ASAP1: variants seen among roughly 807,000 people sequenced by gnomAD.
ASAP1 encodes the protein ArfGAP with SH3 domain, ankyrin repeat and PH domain 1, also known as arf-GAP with SH3 domain, ANK repeat and PH domain-containing protein 1.
In ASAP1, 43 loss-of-function variants were observed where a neutral mutation model predicts 145.2. The observed-to-expected ratio is 0.30, with a 90% CI of 0.23 to 0.38. ASAP1 has a LOEUF of 0.38. Among genes scored for constraint, ASAP1 ranks in the 10% least tolerant of loss-of-function variants. The probability of loss-of-function intolerance (pLI) is 1.00; values close to 1 mark genes in which losing one functional copy is unlikely to be tolerated. For synonymous variants in ASAP1, 546 were observed against 515.5 expected (o/e 1.06, Z -0.80); for missense variants, 1,018 against 1,355.3 (o/e 0.75, Z 3.91).
chr8:130,052,916 T>A lies in ASAP1; in HGVS notation c.*1815A>T, dbSNP rs1269191116. 6.6e-6 allele frequency: 1 copy of A among 152,172 alleles called. No homozygotes were observed. The highest frequency in any genetic ancestry group is 1.9e-4 in the East Asian group (1 of 5,200). The allele number at this position is 152,172 out of a possible 1,614,324, so 9.4% of individuals were successfully genotyped here. ...GGTGTGGCTTCAGTACCGAGGCTGCTAAAGCTGCCAGTCACAACCCAGCAT... is the reference window on the plus strand; with the variant it reads ...GGTGTGGCTTCAGTACCGAGGCTGCAAAAGCTGCCAGTCACAACCCAGCAT... On this transcript the variant is annotated 3_prime_UTR_variant, in exon 30 of 30. Coordinates refer to ENST00000518721, the MANE Select transcript of ASAP1 (RefSeq NM_018482.4).
intron 24 of ASAP1, among the ~76,000 whole-genome samples, chr8:130,098,342 A>G (rs2097522685): frequency 6.6e-6 from 1 of 151,942 alleles, no homozygotes; most frequent in South Asian, 2.1e-4. Context: ...CCACATTCTC[A>G]TCTTTAAACA....
chr8:130,430,665 T>C (rs1830105048), intron 1 of ASAP1, among the ~76,000 whole-genome samples: 1 of 152,156 alleles, frequency 6.6e-6, no homozygotes, highest in Non-Finnish European at 1.5e-5. Flanking sequence ...GTTGGATGAT[T>C]CCAGAGAAAC....
chr8:130,349,556 G>A (rs1402984485), intron 3 of ASAP1, among the ~76,000 whole-genome samples: 1 of 152,202 alleles, frequency 6.6e-6, no homozygotes, highest in Non-Finnish European at 1.5e-5. Context: ...TCAGTAACTT[G>A]CCCAACACAC....
At chr8:130,354,282 A>C (rs776971444) in intron 3 of ASAP1, among the ~76,000 whole-genome samples, 1 of 152,172 alleles carries the variant, frequency 6.6e-6, no homozygotes, top group Non-Finnish European at 1.5e-5. Flanking sequence ...TTCCTTCTCT[A>C]TAAAATGGAA....
rs151248392 is a variant in ASAP1 at position 130,159,692 on chromosome 8, G to C, written c.1010+172C>G. On this transcript the variant is annotated intron_variant, in intron 12 of 29. Transcript: ENST00000518721. The stretch of plus-strand genomic sequence containing the variant: ...ATTTAGGGACCACAGAGCAATTACT[G>C]TTTCTTCTAAAGAGAGCTGGTCAAA... Among the ~76,000 whole-genome samples the C allele has an allele frequency of 4.1e-4, 63 of 152,120 alleles. 2 individuals carry two copies. Among genetic ancestry groups the C allele is most frequent in the African/African-American group, 1.5e-3 (63 of 41,492 alleles).
chr8:130,153,064 T>TA (rs1314158450), intron 12 of ASAP1, among the ~76,000 whole-genome samples: 1 of 151,660 alleles, frequency 6.6e-6, no homozygotes, highest in Non-Finnish European at 1.5e-5. Flanking sequence ...TTGCCCAAGA[T>TA]AGAGTGGTGC....
Position 130,057,984 on chromosome 8 carries a change from G to A in ASAP1, c.3285C>T (p.Ile1095=). The A allele has an allele frequency of 1.2e-6, 2 of 1,614,208 alleles. No homozygotes were observed. Among genetic ancestry groups the A allele is most frequent in the Non-Finnish European group, 1.7e-6 (2 of 1,180,038 alleles). ...ELTFIEGEVI[I]VTGEEDQEWW... Reference sequence around the variant, plus strand: ...ACTCCTGGTCCTCTTCCCCTGTGACGATAATCACTTCTCCCTCGATGAATG... The same window carrying A: ...ACTCCTGGTCCTCTTCCCCTGTGACAATAATCACTTCTCCCTCGATGAATG... Residue 1095 remains isoleucine (I), a synonymous_variant, in exon 29 of 30, where the codon ATC becomes ATT. Transcript: ENST00000518721.
intron 11 of ASAP1, among the ~76,000 whole-genome samples, chr8:130,161,598 C>A (rs1212422378): frequency 1.3e-5 from 2 of 152,132 alleles, no homozygotes; most frequent in African/African-American, 4.8e-5. Context: ...TACACTTAAC[C>A]AGGCAAGCTG....
intron 3 of ASAP1, among the ~76,000 whole-genome samples, chr8:130,270,408 CTGATCTGTG>C (rs1357874276): frequency 6.6e-6 from 1 of 152,196 alleles, no homozygotes; most frequent in Non-Finnish European, 1.5e-5. Flanking sequence ...TTCTTTCTGT[CTGATCTGTG>C]TGATCTCAAG....
intron 3 of ASAP1, among the ~76,000 whole-genome samples, chr8:130,324,479 T>C (rs1178890651): frequency 2.6e-5 from 4 of 152,134 alleles, no homozygotes; most frequent in East Asian, 1.9e-4. Context: ...TCTGACCCCT[T>C]TGCTCTACAG....
chr8:130,141,390 G>T (rs13272223), intron 13 of ASAP1, among the ~76,000 whole-genome samples: 1 of 152,112 alleles, frequency 6.6e-6, no homozygotes, highest in East Asian at 1.9e-4. Flanking sequence ...CCCTCGGAGA[G>T]CTCCCTGCTC....
chr8:130,268,008 A>G (rs1474816133), intron 3 of ASAP1, among the ~76,000 whole-genome samples: 3 of 152,152 alleles, frequency 2.0e-5, no homozygotes, highest in Admixed American at 2.0e-4. Flanking sequence ...CAAGCATCTC[A>G]CTTCCATACA....
At chr8:130,061,676 T>C (rs2097419988) in intron 27 of ASAP1, among the ~76,000 whole-genome samples, 1 of 152,192 alleles carries the variant, frequency 6.6e-6, no homozygotes, top group Non-Finnish European at 1.5e-5. Context: ...TTAACCTCTG[T>C]TACATTTTGG....
intron 3 of ASAP1, among the ~76,000 whole-genome samples, chr8:130,301,478 TG>T (rs1484689004): frequency 1.3e-5 from 2 of 152,240 alleles, no homozygotes; most frequent in Non-Finnish European, 2.9e-5. Flanking sequence ...GCCTTGTGCT[TG>T]GCATATAGCT....
intron 7 of ASAP1, among the ~76,000 whole-genome samples, chr8:130,185,817 G>C (rs1461681960): frequency 6.6e-6 from 1 of 150,904 alleles, no homozygotes; most frequent in Non-Finnish European, 1.5e-5. Context: ...ACAAGGAAGA[G>C]CACCTGTACC....
At chr8:130,339,249 G>A (rs1347361029) in intron 3 of ASAP1, among the ~76,000 whole-genome samples, 3 of 152,100 alleles carry the variant, frequency 2.0e-5, no homozygotes, top group African/African-American at 4.8e-5. Flanking sequence ...CTGGGCTATC[G>A]TTTCTTCACC....
intron 11 of ASAP1, among the ~76,000 whole-genome samples, chr8:130,160,967 T>C (rs1043385999): frequency 1.3e-5 from 2 of 152,188 alleles, no homozygotes; most frequent in African/African-American, 4.8e-5. Context: ...AGGATAAACT[T>C]TGGGTGACAG....
intron 27 of ASAP1, among the ~76,000 whole-genome samples, chr8:130,073,701 C>T (rs1467178285): frequency 2.0e-5 from 3 of 152,124 alleles, no homozygotes; most frequent in Non-Finnish European, 4.4e-5. Flanking sequence ...GAAGCTTAAC[C>T]GCTGGCCCAT....
Position 130,288,788 on chromosome 8 carries a change from A to C in ASAP1, c.187-51794T>G, listed in dbSNP as rs547136721. Reference sequence around the variant, plus strand: ...TGTTCACAGCAGCATTACTTATAGAAGGAAAGAAGGGAGGGAAGGACAAAT... The same window carrying C: ...TGTTCACAGCAGCATTACTTATAGACGGAAAGAAGGGAGGGAAGGACAAAT... On this transcript the variant is annotated intron_variant, in intron 3 of 29. Coordinates refer to ENST00000518721, the MANE Select transcript of ASAP1 (RefSeq NM_018482.4). Among the ~76,000 whole-genome samples, 5 of 152,352 alleles carry C rather than the reference A, an allele frequency of 3.3e-5. No homozygotes were observed. In the South Asian group the frequency reaches 1.0e-3, roughly 32 times the overall value.
Sources: allele counts gnomAD v4.1 joint callset (sites outside exome capture counted in the v4.1 genomes callset), GRCh38; gene constraint gnomAD v4.1.1; transcripts MANE v1.5; gene names NCBI Gene and HGNC (gene_info 2026-07-23, HGNC 2026-07-21).